MARCHF3: variants seen among roughly 807,000 people sequenced by gnomAD.
The protein encoded by MARCHF3 is membrane associated ring-CH-type finger 3, also known as E3 ubiquitin-protein ligase MARCHF3.
MARCHF3 carries 13 observed loss-of-function variants against 24.2 expected under a neutral mutation model. The ratio of observed to expected loss-of-function variants is 0.54; its 90% CI spans 0.35 to 0.85. The LOEUF (loss-of-function observed/expected upper bound fraction) is 0.85, where lower values mean the gene tolerates loss of function less well. Ranked by LOEUF, MARCHF3 falls within the 40% of genes least tolerant of loss-of-function variation. MARCHF3 has a pLI of 0.01. For synonymous variants in MARCHF3, 144 were observed against 137.3 expected (o/e 1.05, Z -0.34); for missense variants, 276 against 325.0 (o/e 0.85, Z 1.16).
intron 3 of MARCHF3, among the ~76,000 whole-genome samples, chr5:126,886,350 T>C (rs1415662060): frequency 2.6e-5 from 4 of 152,184 alleles, no homozygotes; most frequent in African/African-American, 4.8e-5. Flanking sequence ...CTGCAACAGA[T>C]AAAGTTGGAG....
chr5:126,920,266 G>A (rs1185145792), intron 1 of MARCHF3, among the ~76,000 whole-genome samples: 1 of 152,030 alleles, frequency 6.6e-6, no homozygotes, highest in African/African-American at 2.4e-5. Flanking sequence ...CTGAGTTATG[G>A]TAGCTTTCAG....
intron 1 of MARCHF3, among the ~76,000 whole-genome samples, chr5:126,918,475 C>T (rs1748986867): frequency 1.3e-5 from 2 of 152,140 alleles, no homozygotes; most frequent in African/African-American, 4.8e-5. Flanking sequence ...CATTTAGCAG[C>T]CCTGCTTTCC....
chr5:126,975,685 C>T (rs1414310181), intron 1 of MARCHF3, among the ~76,000 whole-genome samples: 1 of 152,172 alleles, frequency 6.6e-6, no homozygotes, highest in Non-Finnish European at 1.5e-5. Flanking sequence ...ACAGCAAAGG[C>T]AGAGTCTGTT....
chr5:127,024,343 G>A (rs988419937), intron 1 of MARCHF3, among the ~76,000 whole-genome samples: 3 of 152,078 alleles, frequency 2.0e-5, no homozygotes, highest in Non-Finnish European at 4.4e-5. Context: ...GTAATTCTTT[G>A]TAGCCTCTAG....
At chr5:127,018,832 C>T (rs778116094) in intron 1 of MARCHF3, among the ~76,000 whole-genome samples, 12 of 152,270 alleles carry the variant, frequency 7.9e-5, no homozygotes, top group Middle Eastern at 3.4e-3. Context: ...CTAGCTTAGC[C>T]ACTTTGTAGC....
At chr5:126,978,325 G>A (rs996725534) in intron 1 of MARCHF3, among the ~76,000 whole-genome samples, 1 of 152,168 alleles carries the variant, frequency 6.6e-6, no homozygotes. Flanking sequence ...GTCACCAACC[G>A]ATAATTAGGT....
chr5:126,922,616 C>T lies in MARCHF3; in HGVS notation c.-56-4389G>A, dbSNP rs1035517030. Among the ~76,000 whole-genome samples the T allele has an allele frequency of 9.9e-5, 15 of 151,706 alleles. No individual in the cohort carries two copies. In the South Asian group the frequency reaches 1.9e-3, roughly 19 times the overall value. ...GGCTGGAGTGCAGTGGCGTGATCTC[C>T]GCTCACTGCAAGCTCCGCCTCCTGG... On this transcript the variant is annotated intron_variant, in intron 1 of 4. Coordinates refer to ENST00000308660, the MANE Select transcript of MARCHF3 (RefSeq NM_178450.5).
chr5:126,896,400 G>T (rs781416392), intron 3 of MARCHF3, among the ~76,000 whole-genome samples: 1 of 152,128 alleles, frequency 6.6e-6, no homozygotes, highest in South Asian at 2.1e-4. Flanking sequence ...ATCAGGGACT[G>T]GCATTTATAG....
chr5:126,922,969 G>A (rs1023789074), intron 1 of MARCHF3, among the ~76,000 whole-genome samples: 4 of 152,160 alleles, frequency 2.6e-5, no homozygotes, highest in Non-Finnish European at 4.4e-5. Flanking sequence ...GGAGAACAGA[G>A]GGAGCCTCAT....
At chr5:126,899,102 C>A in intron 3 of MARCHF3, 1 of 985,246 alleles carries the variant, frequency 1.0e-6, no homozygotes, top group Non-Finnish European at 1.2e-6. Flanking sequence ...GCAAAGAAAC[C>A]GCTTTATCCC....
intron 1 of MARCHF3, among the ~76,000 whole-genome samples, chr5:127,025,890 G>T (rs1016114423): frequency 5.3e-5 from 8 of 152,160 alleles, no homozygotes; most frequent in African/African-American, 1.9e-4. Flanking sequence ...CTAAAGTGAA[G>T]GTTGGGAACT....
chr5:126,940,490 C>T (rs181296212), intron 1 of MARCHF3, among the ~76,000 whole-genome samples: 45 of 152,020 alleles, frequency 3.0e-4, no homozygotes, highest in Admixed American at 4.6e-4. Context: ...CTCTGTTGCC[C>T]GGGCTGGGGT....
At chr5:126,964,311 T>C (rs1332892481) in intron 1 of MARCHF3, among the ~76,000 whole-genome samples, 1 of 152,220 alleles carries the variant, frequency 6.6e-6, no homozygotes, top group Admixed American at 6.5e-5. Context: ...CATCCTGAGT[T>C]TCCCTGGTTG....
At chr5:127,019,260 G>A (rs886787498) in intron 1 of MARCHF3, among the ~76,000 whole-genome samples, 2 of 152,130 alleles carry the variant, frequency 1.3e-5, no homozygotes, top group Non-Finnish European at 2.9e-5. Flanking sequence ...ATAGTAATGA[G>A]GAGAATTTCA....
intron 1 of MARCHF3, among the ~76,000 whole-genome samples, chr5:127,007,915 T>C (rs1436742387): frequency 1.3e-5 from 2 of 152,094 alleles, no homozygotes; most frequent in Non-Finnish European, 2.9e-5. Flanking sequence ...AATACATATA[T>C]GGACACACAT....
At chr5:126,902,021 C>T (rs1754121540) in intron 3 of MARCHF3, among the ~76,000 whole-genome samples, 1 of 152,084 alleles carries the variant, frequency 6.6e-6, no homozygotes, top group African/African-American at 2.4e-5. Flanking sequence ...TAGCTGTCAA[C>T]ATTTGCTGTA....
chr5:126,905,608 T>C (rs1754261737), intron 3 of MARCHF3, among the ~76,000 whole-genome samples: 1 of 152,024 alleles, frequency 6.6e-6, no homozygotes, highest in Admixed American at 6.6e-5. Context: ...ATGATTTGGC[T>C]CTCTGTTTGT....
intron 3 of MARCHF3, among the ~76,000 whole-genome samples, chr5:126,885,356 G>C (rs1215879751): frequency 6.6e-6 from 1 of 151,950 alleles, no homozygotes; most frequent in East Asian, 1.9e-4. Context: ...TCGTCTGAGG[G>C]CAGGAGTTTG....
intron 1 of MARCHF3, among the ~76,000 whole-genome samples, chr5:126,989,274 G>A (rs1751664226): frequency 1.3e-5 from 2 of 151,414 alleles, no homozygotes; most frequent in African/African-American, 4.9e-5. Context: ...GAGAGACCCT[G>A]TCTCTAGAAT....
Sources: gnomAD v4.1 joint callset for allele counts (sites outside exome capture counted in the v4.1 genomes callset) on GRCh38, gnomAD v4.1.1 for gene constraint, MANE v1.5 for transcripts, NCBI Gene and HGNC (gene_info 2026-07-23, HGNC 2026-07-21) for gene names.